Variants in PTCHD4 observed in about 807,000 individuals in gnomAD.
The protein encoded by PTCHD4 is patched domain-containing protein 4.
A neutral mutation model predicts 58.1 loss-of-function variants in PTCHD4; 33 were observed. The observed-to-expected ratio is 0.57, with a 90% CI of 0.43 to 0.76. The LOEUF (loss-of-function observed/expected upper bound fraction) is 0.76. Among genes scored for constraint, PTCHD4 ranks in the 30% least tolerant of loss-of-function variants. The pLI is 0.00. For synonymous variants in PTCHD4, 478 were observed against 409.6 expected (o/e 1.17, Z -2.02); for missense variants, 1,058 against 1,027.1 (o/e 1.03, Z -0.41).
intron 4 of PTCHD4, chr6:47,899,578 GA>G (rs1342789388): frequency 3.1e-6 from 3 of 983,148 alleles, no homozygotes; most frequent in African/African-American, 1.7e-5. Flanking sequence ...AAATGAAGTA[GA>G]AAAAAAGAAA....
chr6:48,040,472 G>A (rs1302290052), intron 3 of PTCHD4, among the ~76,000 whole-genome samples: 1 of 150,368 alleles, frequency 6.7e-6, no homozygotes, highest in Non-Finnish European at 1.5e-5. Context: ...AGAAAGAAAG[G>A]AAAAAAAAAA....
In PTCHD4 at chr6:47,862,663, A is replaced by AT. The variant is rs752660582; in HGVS notation, c.*15639dup. Among the ~76,000 whole-genome samples, 39 of 151,910 alleles carry AT rather than the reference A, an allele frequency of 2.6e-4. No individual in the cohort carries two copies. The highest frequency in any genetic ancestry group is 8.3e-4 in the South Asian group (4 of 4,822). On this transcript the variant is annotated 3_prime_UTR_variant, in exon 5 of 5. Transcript: ENST00000339488. ...TAATTGAAATTCATGCTGATGAATC[A>AT]TTTTTCCTTAAGTATTCTTTTCTTC...
chr6:47,927,683 G>A (rs1174740185), intron 4 of PTCHD4, among the ~76,000 whole-genome samples: 3 of 151,286 alleles, frequency 2.0e-5, no homozygotes, highest in African/African-American at 7.3e-5. Flanking sequence ...TATCAATCTG[G>A]GTTTGTATTT....
intron 3 of PTCHD4, among the ~76,000 whole-genome samples, chr6:48,062,623 C>T (rs1764669071): frequency 1.3e-5 from 2 of 152,042 alleles, no homozygotes; most frequent in South Asian, 2.1e-4. Context: ...ATTCTTTAGC[C>T]CACTTTGGGT....
At chr6:48,031,921 G>A (rs919514506) in intron 3 of PTCHD4, among the ~76,000 whole-genome samples, 3 of 152,000 alleles carry the variant, frequency 2.0e-5, no homozygotes, top group Non-Finnish European at 2.9e-5. Context: ...ATATGTTTTC[G>A]ATGCCTAAAA....
intron 1 of PTCHD4, among the ~76,000 whole-genome samples, chr6:48,091,584 T>C (rs1765366019): frequency 6.6e-6 from 1 of 152,126 alleles, no homozygotes; most frequent in African/African-American, 2.4e-5. Context: ...TATTATACTT[T>C]CTTTTTCTTT....
At chr6:47,901,810 G>C in intron 4 of PTCHD4, 1 of 1,280,782 alleles carries the variant, frequency 7.8e-7, no homozygotes, top group Non-Finnish European at 1.0e-6. Flanking sequence ...TATCCTAGGA[G>C]TCTTCACATA....
intron 3 of PTCHD4, among the ~76,000 whole-genome samples, chr6:48,027,312 T>C (rs927305942): frequency 2.0e-5 from 3 of 152,090 alleles, no homozygotes; most frequent in African/African-American, 7.2e-5. Flanking sequence ...GTGACTTTGG[T>C]AAAACATTGA....
intron 4 of PTCHD4, among the ~76,000 whole-genome samples, chr6:47,927,001 T>C (rs148691347): frequency 4.6e-4 from 70 of 152,290 alleles, no homozygotes; most frequent in African/African-American, 1.6e-3. Flanking sequence ...TTGGACTGCC[T>C]ACCAGTGAGC....
chr6:47,895,740 C>T (rs545213749), intron 4 of PTCHD4, among the ~76,000 whole-genome samples: 2 of 152,078 alleles, frequency 1.3e-5, no homozygotes, highest in South Asian at 4.2e-4. Context: ...AATTCATCAT[C>T]TTAAATTTCC....
intron 4 of PTCHD4, among the ~76,000 whole-genome samples, chr6:47,957,085 A>G (rs993019924): frequency 6.6e-6 from 1 of 151,702 alleles, no homozygotes; most frequent in African/African-American, 2.4e-5. Context: ...GAATCACTTG[A>G]ACCCTGGAGG....
intron 4 of PTCHD4, among the ~76,000 whole-genome samples, chr6:47,888,229 C>A (rs1033121358): frequency 6.6e-6 from 1 of 151,922 alleles, no homozygotes; most frequent in Non-Finnish European, 1.5e-5. Flanking sequence ...TGGTGGTGGG[C>A]GCCTATAGTC....
In PTCHD4 at chr6:48,068,459, G is replaced by T. The variant is rs1764878477; in HGVS notation, c.188C>A (p.Pro63His). ...FGLSALNRFQ[P>H]EGDLERLVAP... is the part of the protein sequence containing the mutation. Reference sequence around the variant, plus strand: ...GACCAGGCGCTCCAGGTCGCCCTCGGGCTGGAAGCGGTTGAGCGCGCTGAG... The same window carrying T: ...GACCAGGCGCTCCAGGTCGCCCTCGTGCTGGAAGCGGTTGAGCGCGCTGAG... The change falls in exon 3 of 5, where the codon CCC (proline) becomes CAC (histidine). Residue 63 changes from proline (P) to histidine (H), a missense_variant. By Grantham distance (77) the Pro-to-His change is moderately conservative. Coordinates refer to ENST00000339488, the MANE Select transcript of PTCHD4 (RefSeq NM_001384253.1). This position sits in a 1 kb window ranked among gnomAD's most constrained non-coding sequence, Gnocchi z 4.2. 7 of 1,613,722 alleles carry T rather than the reference G, an allele frequency of 4.3e-6. No homozygotes were observed. Among genetic ancestry groups the T allele is most frequent in the Non-Finnish European group, 5.1e-6 (6 of 1,179,840 alleles).
intron 1 of PTCHD4, among the ~76,000 whole-genome samples, chr6:48,103,078 C>T (rs1284117668): frequency 6.6e-6 from 1 of 152,222 alleles, no homozygotes; most frequent in Non-Finnish European, 1.5e-5. Flanking sequence ...TCTTAAATGT[C>T]CCTGTCTGAT....
intron 4 of PTCHD4, among the ~76,000 whole-genome samples, chr6:48,008,093 C>T (rs1312434805): frequency 6.6e-6 from 1 of 152,130 alleles, no homozygotes; most frequent in East Asian, 1.9e-4. Context: ...GAGGATATTT[C>T]TAAGTGGCAG....
intron 1 of PTCHD4, among the ~76,000 whole-genome samples, chr6:48,083,047 C>G (rs750067991): frequency 6.6e-6 from 1 of 150,648 alleles, no homozygotes; most frequent in Non-Finnish European, 1.5e-5. Context: ...ATATAATTAC[C>G]GGCATATTTG....
In PTCHD4 at chr6:48,069,491, A is replaced by G. The variant is rs1764930678; in HGVS notation, c.-534T>C. ...TGATGCTGCATTTTTAACACACCAC[A>G]CAGCATGCAAGGGATTTCCTCGCAA... On this transcript the variant is annotated 5_prime_UTR_variant, in exon 2 of 5. Transcript: ENST00000339488. 6.6e-6 allele frequency among the ~76,000 whole-genome samples: 1 copy of G among 152,108 alleles called. No individual in the cohort carries two copies. The highest frequency in any genetic ancestry group is 1.5e-5 in the Non-Finnish European group (1 of 68,016).
At chr6:48,023,302 G>C (rs1289027788) in intron 3 of PTCHD4, among the ~76,000 whole-genome samples, 3 of 152,142 alleles carry the variant, frequency 2.0e-5, no homozygotes, top group Non-Finnish European at 4.4e-5. Context: ...GTGGTAGTAA[G>C]TTACAATGAG....
At chr6:47,967,327 A>G (rs1767330996) in intron 4 of PTCHD4, among the ~76,000 whole-genome samples, 1 of 152,184 alleles carries the variant, frequency 6.6e-6, no homozygotes, top group Non-Finnish European at 1.5e-5. Context: ...TGTTCAGGAA[A>G]CTGTCATAAA....
Sources: allele counts gnomAD v4.1 joint callset (sites outside exome capture counted in the v4.1 genomes callset), GRCh38; gene constraint gnomAD v4.1.1; non-coding constraint Gnocchi (gnomAD v3.1); transcripts MANE v1.5; gene names NCBI Gene and HGNC (gene_info 2026-07-23, HGNC 2026-07-21).